ERMN: variants seen among roughly 807,000 people sequenced by gnomAD.
ERMN encodes the protein ermin, ERM-like protein.
In ERMN, 17 loss-of-function variants were observed where a neutral mutation model predicts 21.4. The observed-to-expected ratio is 0.80, with a 90% CI of 0.54 to 1.19. The LOEUF (loss-of-function observed/expected upper bound fraction) is 1.19, where lower values mean the gene tolerates loss of function less well. Ranked by LOEUF, ERMN falls within the 50% of genes most tolerant of loss-of-function variation. The pLI is 0.00. For synonymous variants in ERMN, 115 were observed against 111.9 expected (o/e 1.03, Z -0.17); for missense variants, 348 against 331.6 (o/e 1.05, Z -0.38).
At chr2:157,327,680 C>T (rs1574051140), upstream of ERMN, 3 of 561,150 alleles carry the variant, frequency 5.3e-6, no homozygotes, top group East Asian at 9.1e-5. Flanking sequence ...CACAGGGGTT[C>T]GGCATTAGCA....
Position 157,320,737 on chromosome 2 carries a change from A to G in ERMN, c.*534T>C, listed in dbSNP as rs1683866072. The G allele has an allele frequency of 6.5e-6, 1 of 153,194 alleles. No homozygotes were observed. The highest frequency in any genetic ancestry group is 2.4e-5 in the African/African-American group (1 of 41,462). 9.5% of individuals were successfully genotyped at this position (153,194 alleles called of 1,614,324 possible). On this transcript the variant is annotated 3_prime_UTR_variant, in exon 3 of 3. Transcript: ENST00000410096. ...ATAGAATGTTTTCTCTGTAGATGCC[A>G]AGGAAAGCCACTTAACATATTGTTT... is the stretch of plus-strand genomic sequence containing the variant.
chr2:157,327,321 G>T, upstream of ERMN: 1 of 617,364 alleles, frequency 1.6e-6, no homozygotes, highest in South Asian at 1.9e-5. Context: ...ATAGATCCTA[G>T]ATCTCCCTCC....
rs1389062629 is a variant in ERMN at position 157,321,181 on chromosome 2, A to T, written c.*90T>A. On this transcript the variant is annotated 3_prime_UTR_variant, in exon 3 of 3. Transcript: ENST00000410096. ...CAACTTCCACCTCCCTCCAAGTGAT[A>T]ACTCAAATAAGGCATAGAAATATGC... 1.3e-6 allele frequency: 2 copies of T among 1,497,568 alleles called. No homozygotes were observed. Among genetic ancestry groups the T allele is most frequent in the Non-Finnish European group, 1.8e-6 (2 of 1,129,806 alleles). The allele number at this position is 1,497,568 out of a possible 1,614,324, so 92.8% of individuals were successfully genotyped here.
rs1398061423 is a variant in ERMN at position 157,325,542 on chromosome 2, G to A, written c.101C>T (p.Thr34Ile). The part of the protein sequence containing the change: ...QTITKISEEL[T>I]DVDSPLPHYR... ...GTGTGGCAGGGGGCTGTCCACATCA[G>A]TCAATTCCTCACTGATTTTAGTGAT... is the stretch of plus-strand genomic sequence containing the variant. The change falls in exon 1 of 3, where the codon ACT (threonine) becomes ATT (isoleucine). Residue 34 changes from threonine to isoleucine, a missense_variant. By Grantham distance (89) the Thr-to-Ile change is moderately conservative (BLOSUM62 -1). Coordinates refer to ENST00000410096, the MANE Select transcript of ERMN (RefSeq NM_020711.3). The A allele has an allele frequency of 6.2e-7, 1 of 1,614,030 alleles. No homozygotes were observed. Among genetic ancestry groups the A allele is most frequent in the African/African-American group, 1.3e-5 (1 of 74,906 alleles).
chr2:157,320,722 T>G lies in ERMN; in HGVS notation c.*549A>C, dbSNP rs1169025691. Reference sequence around the variant, plus strand: ...CTAGGAAGGAGGGCTATAGAATGTTTTCTCTGTAGATGCCAAGGAAAGCCA... The same window carrying G: ...CTAGGAAGGAGGGCTATAGAATGTTGTCTCTGTAGATGCCAAGGAAAGCCA... On this transcript the variant is annotated 3_prime_UTR_variant, in exon 3 of 3. Coordinates refer to ENST00000410096, the MANE Select transcript of ERMN (RefSeq NM_020711.3). 1 of 153,114 alleles carries G rather than the reference T, an allele frequency of 6.5e-6. No individual in the cohort carries two copies. Among genetic ancestry groups the G allele is most frequent in the Non-Finnish European group, 1.5e-5 (1 of 68,730 alleles). The allele number at this position is 153,114 out of a possible 1,614,324, so 9.5% of individuals were successfully genotyped here. A position where few individuals can be genotyped will look rare whatever the true frequency, so the allele number is the denominator to read the frequency against.
intron 1 of ERMN, 90 bp downstream of exon 1, chr2:157,325,312 C>T (rs1684036434): frequency 1.9e-6 from 3 of 1,558,796 alleles, no homozygotes; most frequent in Non-Finnish European, 2.6e-6. Context: ...TTTGGGGTGT[C>T]CAGCTCATTT....
chr2:157,326,221 G>A (rs557250136), upstream of ERMN, among the ~76,000 whole-genome samples: 6 of 152,250 alleles, frequency 3.9e-5, no homozygotes, highest in African/African-American at 1.4e-4. Context: ...CAATGGCATT[G>A]TTTCTTATTT....
chr2:157,322,560 T>C (rs1683939119), intron 2 of ERMN, among the ~76,000 whole-genome samples: 1 of 152,252 alleles, frequency 6.6e-6, no homozygotes, highest in African/African-American at 2.4e-5. Context: ...CCATTTTCTT[T>C]TGACACCGTG....
In ERMN at chr2:157,320,945, C is replaced by T. The variant is rs148845270; in HGVS notation, c.*326G>A. 4.2e-6 allele frequency: 1 copy of T among 239,562 alleles called. No homozygotes were observed. The highest frequency in any genetic ancestry group is 9.7e-5 in the East Asian group (1 of 10,362). 14.8% of individuals were successfully genotyped at this position (239,562 alleles called of 1,614,324 possible). A position where few individuals can be genotyped will look rare whatever the true frequency, so the allele number is the denominator to read the frequency against. On this transcript the variant is annotated 3_prime_UTR_variant, in exon 3 of 3. Transcript: ENST00000410096. ...CCCCTCAAATAGTCTCATTTGATGA[C>T]TACCTTTCCAAGCATTGCTACATTT...
chr2:157,322,793 C>T (rs532229612), intron 2 of ERMN, among the ~76,000 whole-genome samples: 4 of 152,248 alleles, frequency 2.6e-5, no homozygotes, highest in South Asian at 2.1e-4. Context: ...GCTATCAGGT[C>T]GCTAGTGTCC....
intron 2 of ERMN, 90 bp downstream of exon 2, chr2:157,324,580 C>T (rs569478078): frequency 3.9e-6 from 4 of 1,025,484 alleles, no homozygotes; most frequent in African/African-American, 3.2e-5. Context: ...ATTGCTTTGT[C>T]AACCCCACGC....
chr2:157,325,353 A>G (rs1029873120), intron 1 of ERMN, 49 bp downstream of exon 1: 1 of 1,609,324 alleles, frequency 6.2e-7, no homozygotes, highest in African/African-American at 1.3e-5. Context: ...AATCCAGGGT[A>G]AATTTATAAG....
chr2:157,318,709 C>CA lies in ERMN; in HGVS notation c.*2561dup, dbSNP rs1683784427. On this transcript the variant is annotated 3_prime_UTR_variant, in exon 3 of 3. Transcript: ENST00000410096. ...AGGTAGGGGGAGAGAGAGATGGTAG[C>CA]AAATTCTGTGCCTTCAATGTAGCAT... 6.6e-6 allele frequency: 1 copy of CA among 151,976 alleles called. No individual in the cohort carries two copies. The highest frequency in any genetic ancestry group is 2.4e-5 in the African/African-American group (1 of 41,368). The allele number at this position is 151,976 out of a possible 1,614,324, so 9.4% of individuals were successfully genotyped here. A position where few individuals can be genotyped will look rare whatever the true frequency, so the allele number is the denominator to read the frequency against.
chr2:157,326,093 G>A (rs916716917), upstream of ERMN, among the ~76,000 whole-genome samples: 1 of 152,158 alleles, frequency 6.6e-6, no homozygotes, highest in African/African-American at 2.4e-5. Context: ...AGCCACAATT[G>A]TCCCACAGCT....
At chr2:157,325,315 G>T in intron 1 of ERMN, 87 bp downstream of exon 1, 3 of 1,568,354 alleles carry the variant, frequency 1.9e-6, no homozygotes, top group African/African-American at 1.4e-5. Flanking sequence ...GGGGTGTCCA[G>T]CTCATTTCGA....
intron 2 of ERMN, 148 bp from the exon 3 acceptor site, chr2:157,321,939 T>A: frequency 1.4e-6 from 1 of 713,110 alleles, no homozygotes; most frequent in Middle Eastern, 3.5e-4. Context: ...CAATATGTTT[T>A]GCACAAACAG....
At position 157,321,412 on chromosome 2, in the gene ERMN, A is replaced by G. The variant is rs755786176; in HGVS notation, c.714T>C (p.Pro238=). 2 of 1,614,170 alleles carry G rather than the reference A, an allele frequency of 1.2e-6. No homozygotes were observed. The highest frequency in any genetic ancestry group is 1.7e-6 in the Non-Finnish European group (2 of 1,180,008). The change falls in exon 3 of 3, where the codon CCT becomes CCC. Residue 238 remains proline (P), a synonymous_variant. Transcript: ENST00000410096. ...LSSASSQAVT[P]DEQPTLGKKS... ...TCTTCCCTAAGGTTGGCTGCTCATC[A>G]GGTGTCACAGCTTGGGAACTGGCAC...
intron 2 of ERMN, among the ~76,000 whole-genome samples, chr2:157,323,649 C>A (rs1030482611): frequency 6.6e-6 from 1 of 152,156 alleles, no homozygotes; most frequent in Non-Finnish European, 1.5e-5. Flanking sequence ...TTCAATTTGA[C>A]ATAAGATGTG....
rs527333362 is a variant in ERMN, at chr2:157,321,240, T to C, written c.*31A>G. On this transcript the variant is annotated 3_prime_UTR_variant, in exon 3 of 3. Coordinates refer to ENST00000410096, the MANE Select transcript of ERMN (RefSeq NM_020711.3). ...GCAATAGAATTAGCTTTTCCTTTAG[T>C]GGGCATGAGAATTTCTCAGTTCCAG... The C allele has an allele frequency of 1.9e-6, 3 of 1,589,196 alleles. No individual in the cohort carries two copies. In the African/African-American group the frequency reaches 4.0e-5, roughly 21 times the overall value.
Sources: allele counts gnomAD v4.1 joint callset (sites outside exome capture counted in the v4.1 genomes callset), GRCh38; gene constraint gnomAD v4.1.1; transcripts MANE v1.5; gene names NCBI Gene and HGNC (gene_info 2026-07-23, HGNC 2026-07-21).